MRE11: variants seen among roughly 807,000 people sequenced by gnomAD.
The protein encoded by MRE11 is MRE11 double strand break repair nuclease, also known as double-strand break repair protein MRE11.
MRE11 carries 62 observed loss-of-function variants against 91.7 expected under a neutral mutation model. That is an observed-to-expected ratio of 0.68 (90% CI 0.55 to 0.84). The LOEUF (loss-of-function observed/expected upper bound fraction) is 0.84. MRE11 is among the 40% of genes least tolerant of loss of function. MRE11 has a pLI of 0.00. For missense variants in MRE11, 796 were observed against 852.9 expected, an observed-to-expected ratio of 0.93 and a Z score of 0.83; for synonymous variants, 273 against 271.4, an observed-to-expected ratio of 1.01 and a Z score of -0.06.
At chr11:94,458,236 T>C (rs1297651799) in intron 13 of MRE11, among the ~76,000 whole-genome samples, 1 of 151,916 alleles carries the variant, frequency 6.6e-6, no homozygotes, top group Admixed American at 6.6e-5. Flanking sequence ...AGGGAGAATC[T>C]GGGAAATAGA....
chr11:94,435,966 G>T, intron 17 of MRE11, 67 bp from the exon 18 acceptor site: 1 of 1,328,978 alleles, frequency 7.5e-7, no homozygotes, highest in Non-Finnish European at 1.1e-6. Context: ...TGAAAATGAA[G>T]AAATGAATTA....
Position 94,420,095 on chromosome 11 carries a change from C to T in MRE11, c.*30G>A. 1.3e-6 allele frequency: 2 copies of T among 1,506,082 alleles called. No individual in the cohort carries two copies. Among genetic ancestry groups the T allele is most frequent in the Non-Finnish European group, 1.8e-6 (2 of 1,087,566 alleles). The allele number at this position is 1,506,082 out of a possible 1,614,324, so 93.3% of individuals were successfully genotyped here. A position where few individuals can be genotyped will look rare whatever the true frequency, so the allele number is the denominator to read the frequency against. On this transcript the variant is annotated 3_prime_UTR_variant, in exon 20 of 20. Transcript: ENST00000323929. ...TGTAACATTTTCATTTTTCCTGTAT[C>T]TTGCATGTTTCTCAGTGCCATTAAA...
rs587782099 is a variant in MRE11 at position 94,445,898 on chromosome 11, T to C, written c.1784-5A>G. ...AAGTCTCCAGACCAGTGTCTGCTGTTAGAAAAATGAACAGTCAATGTACAA... is the reference window on the plus strand; with the variant it reads ...AAGTCTCCAGACCAGTGTCTGCTGTCAGAAAAATGAACAGTCAATGTACAA... On this transcript the variant is annotated splice_region_variant and splice_polypyrimidine_tract_variant and intron_variant, in intron 15 of 19. Coordinates refer to ENST00000323929, the MANE Select transcript of MRE11 (RefSeq NM_005591.4). The C allele has an allele frequency of 1.2e-6, 2 of 1,609,816 alleles. No individual in the cohort carries two copies. Among genetic ancestry groups the C allele is most frequent in the Non-Finnish European group, 1.7e-6 (2 of 1,176,062 alleles).
chr11:94,503,094 G>A, the MRE11 span, among the ~76,000 whole-genome samples: 2 of 152,012 alleles, frequency 1.3e-5, no homozygotes, highest in Admixed American at 6.6e-5. Context: ...TTAGTTCATA[G>A]TATTTTTTTT....
At chr11:94,441,039 A>G (rs937447373) in intron 16 of MRE11, among the ~76,000 whole-genome samples, 1 of 152,128 alleles carries the variant, frequency 6.6e-6, no homozygotes, top group Non-Finnish European at 1.5e-5. Context: ...GAAGATGCCA[A>G]TTCAACTGCC....
At chr11:94,493,755 G>A (rs1181610844) in intron 1 of MRE11, 36 bp downstream of exon 1, 3 of 152,242 alleles carry the variant, frequency 2.0e-5, no homozygotes, top group East Asian at 3.9e-4. Flanking sequence ...GAAAGGGCAG[G>A]ATCCGTGAAA....
chr11:94,507,188 C>T, the MRE11 span, among the ~76,000 whole-genome samples: 168 of 152,222 alleles, frequency 1.1e-3, 3 homozygotes, highest in African/African-American at 4.0e-3. Context: ...CTTTTATTTC[C>T]ATCATTTAGT....
chr11:94,487,536 G>C (rs969488265), intron 3 of MRE11, among the ~76,000 whole-genome samples: 4 of 152,154 alleles, frequency 2.6e-5, no homozygotes, highest in Non-Finnish European at 4.4e-5. Context: ...AGGAGACAAA[G>C]AGACATGGCA....
At chr11:94,465,626 C>A (rs906619699) in intron 10 of MRE11, among the ~76,000 whole-genome samples, 4 of 152,002 alleles carry the variant, frequency 2.6e-5, no homozygotes, top group Non-Finnish European at 5.9e-5. Context: ...GAACTCCTGA[C>A]GTCAGATGAT....
chr11:94,472,218 C>A (rs1475494856), intron 7 of MRE11, among the ~76,000 whole-genome samples: 9 of 152,110 alleles, frequency 5.9e-5, no homozygotes, highest in Admixed American at 2.6e-4. Flanking sequence ...ACATCAATCT[C>A]ACATAAGTGC....
In MRE11 at chr11:94,447,275, C is replaced by T. The variant is rs139461096; in HGVS notation, c.1727G>A (p.Arg576Gln). ...TNKGRGRGRG[R>Q]RGGRGQNSAS... is the part of the protein sequence containing the mutation. ...TGAATTCTGCCCTCTTCCACCTCTTCGACCTCTTCCTCGGCCTCTTCCTTT... is the reference window on the plus strand; with the variant it reads ...TGAATTCTGCCCTCTTCCACCTCTTTGACCTCTTCCTCGGCCTCTTCCTTT... Residue 576 changes from arginine (R) to glutamine (Q), a missense_variant, in exon 15 of 20, where the codon CGA (arginine) becomes CAA (glutamine). Arg to Gln is a conservative substitution (Grantham distance 43). Transcript: ENST00000323929. 393 of 1,614,040 alleles carry T rather than the reference C, an allele frequency of 2.4e-4. No individual in the cohort carries two copies. Among genetic ancestry groups the T allele is most frequent in the Middle Eastern group, 1.8e-3 (11 of 6,060 alleles).
chr11:94,437,851 G>A (rs571756575), intron 16 of MRE11, among the ~76,000 whole-genome samples: 2 of 152,236 alleles, frequency 1.3e-5, no homozygotes, highest in African/African-American at 2.4e-5. Flanking sequence ...AAGGCCAGGC[G>A]CAGTGGCTCA....
At chr11:94,495,502 T>G (rs150908546), upstream of MRE11, among the ~76,000 whole-genome samples, 14 of 152,256 alleles carry the variant, frequency 9.2e-5, no homozygotes, top group African/African-American at 2.9e-4. Context: ...CAAGAAAGAA[T>G]GAAAGAGATA....
upstream of MRE11, chr11:94,498,663 A>G: frequency 1.3e-6 from 1 of 767,884 alleles, no homozygotes. Flanking sequence ...CATTCTTCCA[A>G]GTGAATTGCC....
In MRE11 at chr11:94,471,597, AAG is replaced by A. The variant is rs1565228898; in HGVS notation, c.820_821del (p.Leu274PhefsTer16). 8.7e-6 allele frequency: 14 copies of A among 1,612,468 alleles called. No homozygotes were observed. In the Admixed American group the frequency reaches 1.0e-4, roughly 12 times the overall value. On this transcript the variant is annotated frameshift_variant, in exon 8 of 20. Transcript: ENST00000323929. LOFTEE classifies it high-confidence loss of function. The part of the protein sequence containing the change: ...SQPGSSVVTS[L>X]SPGEAVKKHV... The stretch of plus-strand genomic sequence containing the variant: ...ACTTCTTTACAGCTTCTCCTGGGGA[AAG>A]AGAAGTAACCACTGAGCTTCCAGGT...
chr11:94,460,903 C>A (rs1480027466), intron 12 of MRE11, 33 bp downstream of exon 12: 3 of 1,503,652 alleles, frequency 2.0e-6, no homozygotes, highest in South Asian at 2.3e-5. Flanking sequence ...TATAAGGTAG[C>A]CATTATTCAA....
In MRE11 at chr11:94,476,362, T is replaced by G. The variant is rs1305804736; in HGVS notation, c.586A>C (p.Lys196Gln). The change falls in exon 7 of 20, where the codon AAA becomes CAA. Residue 196 changes from lysine to glutamine, a missense_variant. Coordinates refer to ENST00000323929, the MANE Select transcript of MRE11 (RefSeq NM_005591.4). ...TTTGGTCTCAACATTGTTACTTTTT[T>G]ATTGACAAACATTCGATAGAGCCTT... ...DERLYRMFVN[K>Q]KVTMLRPKED... 2.1e-5 allele frequency: 34 copies of G among 1,613,096 alleles called. No individual in the cohort carries two copies. The Admixed American group carries it at 5.7e-4, about 27-fold the overall frequency.
intron 14 of MRE11, among the ~76,000 whole-genome samples, chr11:94,449,784 C>G (rs567355115): frequency 1.3e-5 from 2 of 152,306 alleles, no homozygotes; most frequent in African/African-American, 4.8e-5. Flanking sequence ...TGTTACTGTA[C>G]TGAATACTGC....
At chr11:94,466,082 AAGG>A (rs1210981486) in intron 10 of MRE11, among the ~76,000 whole-genome samples, 1 of 152,118 alleles carries the variant, frequency 6.6e-6, no homozygotes, top group Non-Finnish European at 1.5e-5. Context: ...GGTATAGAGA[AAGG>A]AGGAGAGAAG....
Sources: allele counts gnomAD v4.1 joint callset (sites outside exome capture counted in the v4.1 genomes callset), GRCh38; gene constraint gnomAD v4.1.1; transcripts MANE v1.5; gene names NCBI Gene and HGNC (gene_info 2026-07-23, HGNC 2026-07-21).